Variants in UXS1 observed in about 807,000 individuals in gnomAD.
The protein encoded by UXS1 is UDP-glucuronic acid decarboxylase 1.
A neutral mutation model predicts 62.6 loss-of-function variants in UXS1; 33 were observed. The ratio of observed to expected loss-of-function variants is 0.53; its 90% CI spans 0.40 to 0.70. The LOEUF is 0.70. UXS1 is among the 30% of genes least tolerant of loss of function. The probability of loss-of-function intolerance (pLI) is 0.00; values close to 1 mark genes in which losing one functional copy is unlikely to be tolerated. For missense variants in UXS1, 434 were observed against 556.3 expected, an observed-to-expected ratio of 0.78 and a Z score of 2.21; for synonymous variants, 213 against 206.8, an observed-to-expected ratio of 1.03 and a Z score of -0.26.
intron 1 of UXS1, among the ~76,000 whole-genome samples, chr2:106,188,300 G>A (rs1042269007): frequency 6.6e-6 from 1 of 152,168 alleles, no homozygotes. Flanking sequence ...AAAGAAGATA[G>A]GTGAATATGG....
At position 106,094,169 on chromosome 2, in the gene UXS1, G is replaced by C. The variant is rs1676885921; in HGVS notation, c.1147-12C>G. 5.0e-6 allele frequency: 8 copies of C among 1,607,984 alleles called. No individual in the cohort carries two copies. The highest frequency in any genetic ancestry group is 6.8e-6 in the Non-Finnish European group (8 of 1,178,838). On this transcript the variant is annotated splice_polypyrimidine_tract_variant and intron_variant, in intron 14 of 14. Transcript: ENST00000283148. ...TCCTCCAGCGGGACCTGTTTAAAGGGAAAGCAAGAAAGGGAGACAAGGTCA... is the reference window on the plus strand; with the variant it reads ...TCCTCCAGCGGGACCTGTTTAAAGGCAAAGCAAGAAAGGGAGACAAGGTCA...
At chr2:106,169,257 T>A (rs976363366) in intron 1 of UXS1, among the ~76,000 whole-genome samples, 3 of 152,252 alleles carry the variant, frequency 2.0e-5, no homozygotes, top group African/African-American at 7.2e-5. Flanking sequence ...GCTGCTTTAC[T>A]GAGAATAAGT....
At chr2:106,153,331 C>A (rs971712947) in intron 5 of UXS1, among the ~76,000 whole-genome samples, 11 of 152,180 alleles carry the variant, frequency 7.2e-5, no homozygotes, top group Non-Finnish European at 7.3e-5. Flanking sequence ...TGCAGCCTAA[C>A]AGCTGGGTGA....
intron 1 of UXS1, chr2:106,179,737 G>A (rs1380518293): frequency 5.3e-5 from 8 of 152,230 alleles, no homozygotes; most frequent in Non-Finnish European, 1.2e-4. Context: ...TTGTTTACAT[G>A]AGAAGACACT....
intron 10 of UXS1, among the ~76,000 whole-genome samples, chr2:106,106,348 G>A (rs1385651829): frequency 8.4e-6 from 1 of 119,450 alleles, no homozygotes; most frequent in Non-Finnish European, 1.7e-5. Context: ...TGGGCAACAA[G>A]AGTGAAACTC....
At chr2:106,110,445 ACAAAG>A (rs1248562765) in intron 10 of UXS1, among the ~76,000 whole-genome samples, 1 of 152,200 alleles carries the variant, frequency 6.6e-6, no homozygotes, top group African/African-American at 2.4e-5. Flanking sequence ...TTTCCTCTAA[ACAAAG>A]CAGCTCTCAT....
chr2:106,193,497 G>A lies in UXS1; in HGVS notation c.94+651C>T, dbSNP rs557535542. 6.6e-5 allele frequency among the ~76,000 whole-genome samples: 10 copies of A among 152,138 alleles called. No individual in the cohort carries two copies. In the South Asian group the frequency reaches 2.1e-3, roughly 32 times the overall value. ...GACAGAAACTGGACCCGCGCACAGA[G>A]AAGCTGCAGGCACGCCCTGCCCGGC... On this transcript the variant is annotated intron_variant, in intron 1 of 14. Transcript: ENST00000283148.
intron 1 of UXS1, among the ~76,000 whole-genome samples, chr2:106,186,901 A>G (rs1045653628): frequency 2.0e-5 from 3 of 152,174 alleles, no homozygotes; most frequent in Non-Finnish European, 4.4e-5. Context: ...AATATAGACT[A>G]TATCTTAGAT....
At chr2:106,163,134 A>T (rs2105056560) in intron 4 of UXS1, among the ~76,000 whole-genome samples, 3 of 152,346 alleles carry the variant, frequency 2.0e-5, no homozygotes, top group Admixed American at 2.0e-4. Context: ...AGTGTCCCAA[A>T]GGGTGAGGAG....
chr2:106,108,731 G>A (rs1419916377), intron 10 of UXS1, among the ~76,000 whole-genome samples: 7 of 152,178 alleles, frequency 4.6e-5, no homozygotes, highest in African/African-American at 7.2e-5. Context: ...GGAGAGGACC[G>A]GCCGGGGGTG....
chr2:106,174,629 G>A (rs373708933), intron 1 of UXS1, among the ~76,000 whole-genome samples: 8 of 152,234 alleles, frequency 5.3e-5, no homozygotes, highest in South Asian at 2.1e-4. Context: ...TGTGTGGGGC[G>A]CACGTAGTGA....
intron 8 of UXS1, 95 bp from the exon 9 acceptor site, chr2:106,123,186 G>C: frequency 1.3e-6 from 2 of 1,546,564 alleles, no homozygotes; most frequent in Non-Finnish European, 1.8e-6. Flanking sequence ...ACTTCGGAAA[G>C]ACCCATTTAG....
chr2:106,128,495 C>T (rs924669018), intron 7 of UXS1, among the ~76,000 whole-genome samples: 4 of 152,080 alleles, frequency 2.6e-5, no homozygotes, highest in Non-Finnish European at 4.4e-5. Context: ...CCCTCCCCAA[C>T]GTGGATGTAT....
rs78018271 is a variant in UXS1 at position 106,191,063 on chromosome 2, T to C, written c.94+3085A>G. ...TTTCATTGAGAAAAAAAAGCCAACA[T>C]ATGAATGGGAAAGAACTCAAGTACA... On this transcript the variant is annotated intron_variant, in intron 1 of 14. Transcript: ENST00000283148. Among the ~76,000 whole-genome samples the C allele has an allele frequency of 3.5e-3, 536 of 152,138 alleles. 4 individuals are homozygous for C. The highest frequency in any genetic ancestry group is 0.012 in the African/African-American group (509 of 41,492).
chr2:106,140,176 C>A (rs1158205613), intron 6 of UXS1, among the ~76,000 whole-genome samples: 1 of 152,242 alleles, frequency 6.6e-6, no homozygotes, highest in Non-Finnish European at 1.5e-5. Context: ...ACACTAGAGA[C>A]TGGCTCAGCC....
At chr2:106,117,409 T>C (rs1324238746) in intron 9 of UXS1, among the ~76,000 whole-genome samples, 3 of 152,222 alleles carry the variant, frequency 2.0e-5, no homozygotes, top group Admixed American at 1.3e-4. Context: ...ACTCTTGTTA[T>C]AGCAATTAGC....
intron 12 of UXS1, among the ~76,000 whole-genome samples, chr2:106,099,091 T>A (rs908239216): frequency 1.3e-5 from 2 of 152,242 alleles, no homozygotes; most frequent in African/African-American, 4.8e-5. Flanking sequence ...ATAACTTCAA[T>A]GTCACTTTTA....
At chr2:106,102,267 T>C (rs1677658611) in intron 11 of UXS1, 1 of 152,196 alleles carries the variant, frequency 6.6e-6, no homozygotes, top group East Asian at 1.9e-4. Flanking sequence ...ATTACAATAG[T>C]GCACTCATGA....
intron 6 of UXS1, chr2:106,138,760 CTG>C: frequency 1.0e-6 from 1 of 985,500 alleles, no homozygotes; most frequent in Non-Finnish European, 1.2e-6. Flanking sequence ...AGCGGCACTG[CTG>C]CATCCTCCCA....
Sources: allele counts gnomAD v4.1 joint callset (sites outside exome capture counted in the v4.1 genomes callset), GRCh38; gene constraint gnomAD v4.1.1; transcripts MANE v1.5; gene names NCBI Gene and HGNC (gene_info 2026-07-23, HGNC 2026-07-21).